The following C2orf80 variants were observed in gnomAD, a reference collection of about 807,000 sequenced individuals.
C2orf80 encodes uncharacterized protein C2orf80.
A neutral mutation model predicts 30.2 loss-of-function variants in C2orf80; 28 were observed. The observed-to-expected ratio is 0.93, with a 90% CI of 0.69 to 1.27. The LOEUF (loss-of-function observed/expected upper bound fraction) is 1.27. Ranked by LOEUF, C2orf80 falls within the 50% of genes most tolerant of loss-of-function variation. C2orf80 has a pLI of 0.00. For synonymous variants in C2orf80, 80 were observed against 76.4 expected (o/e 1.05, Z -0.24); for missense variants, 220 against 231.0 (o/e 0.95, Z 0.31).
At chr2:208,186,690 C>T (rs1696728472) in intron 2 of C2orf80, among the ~76,000 whole-genome samples, 1 of 152,174 alleles carries the variant, frequency 6.6e-6, no homozygotes, top group Admixed American at 6.5e-5. Context: ...CTCTCAGGCT[C>T]TAGAATGTGG....
At chr2:208,169,450 G>A (rs1023261012) in intron 8 of C2orf80, among the ~76,000 whole-genome samples, 35 of 151,978 alleles carry the variant, frequency 2.3e-4, no homozygotes, top group African/African-American at 7.7e-4. Context: ...TAATACCTTC[G>A]GCCGGGCACA....
intron 6 of C2orf80, among the ~76,000 whole-genome samples, chr2:208,179,700 A>AC (rs1428092655): frequency 1.2e-5 from 1 of 80,968 alleles, no homozygotes; most frequent in African/African-American, 3.5e-5. Flanking sequence ...TATTCAGAAC[A>AC]CCCTTTTTTT....
chr2:208,185,020 A>C lies in C2orf80; in HGVS notation c.54T>G (p.Ile18Met). ...ATTCATTTTCCCGAAGTCTGATGCC[A>C]ATATAATCTCCCCTTAAAAGCAAGA... ...KEMKKLLGDYIGIRLRENEFD... is the reference protein window; with the variant it reads ...KEMKKLLGDYMGIRLRENEFD... Residue 18 changes from isoleucine to methionine, a missense_variant, in exon 3 of 9, where the codon ATT becomes ATG. By Grantham distance (10) the Ile-to-Met change is conservative. Coordinates refer to ENST00000341287, the MANE Select transcript of C2orf80 (RefSeq NM_001099334.3). 1 of 1,613,564 alleles carries C rather than the reference A, an allele frequency of 6.2e-7. No homozygotes were observed. The highest frequency in any genetic ancestry group is 8.5e-7 in the Non-Finnish European group (1 of 1,179,590).
intron 5 of C2orf80, 123 bp from the exon 6 acceptor site, chr2:208,180,939 A>G: frequency 1.3e-6 from 1 of 748,286 alleles, no homozygotes; most frequent in South Asian, 2.0e-5. Flanking sequence ...AGTATTAAAT[A>G]CAGTAAATAA....
rs552234365 is a variant in C2orf80, at chr2:208,166,712, T to G, written c.574-897A>C. ...GTCACCCAGGCTGGAGTGCATGCAG[T>G]GGCGGGATCTCGGCTCACTGCAAGC... On this transcript the variant is annotated intron_variant, in intron 8 of 8. Coordinates refer to ENST00000341287, the MANE Select transcript of C2orf80 (RefSeq NM_001099334.3). 7.6e-4 allele frequency among the ~76,000 whole-genome samples: 115 copies of G among 152,154 alleles called. 2 individuals are homozygous for G. In the South Asian group the frequency reaches 0.024, roughly 31 times the overall value.
rs1559340631 is a variant in C2orf80 at position 208,176,970 on chromosome 2, C to CAG, written c.366+3774_366+3775insCT. Among the ~76,000 whole-genome samples, 557 of 91,864 alleles carry CAG rather than the reference C, an allele frequency of 6.1e-3. 59 individuals are homozygous for CAG. Among genetic ancestry groups the CAG allele is most frequent in the African/African-American group, 0.015 (415 of 27,140 alleles). The allele number at this position is 91,864 out of a possible 152,430, so 60.3% of individuals were successfully genotyped here. ...ATACATATCTGTATACATATGTATA[C>CAG]ATATATACAGAAATGTATATGTATA... On this transcript the variant is annotated intron_variant, in intron 6 of 8. Coordinates refer to ENST00000341287, the MANE Select transcript of C2orf80 (RefSeq NM_001099334.3).
chr2:208,182,983 CAAGTT>C lies in C2orf80; in HGVS notation c.183_187del (p.Thr62AlafsTer20). The C allele has an allele frequency of 1.2e-6, 2 of 1,613,884 alleles. No individual in the cohort carries two copies. Among genetic ancestry groups the C allele is most frequent in the Non-Finnish European group, 1.7e-6 (2 of 1,179,790 alleles). On this transcript the variant is annotated frameshift_variant, in exon 4 of 9. Transcript: ENST00000341287. LOFTEE classifies it high-confidence loss of function. Reference sequence around the variant, plus strand: ...AACTTACAGTTCCTCCCACTCCAGCCAAGTTAAGTCTTCTGAGGGATCCAGCCATT... The same window carrying C: ...AACTTACAGTTCCTCCCACTCCAGCCAAGTCTTCTGAGGGATCCAGCCATT...
chr2:208,184,896 C>T, intron 3 of C2orf80, 55 bp downstream of exon 3: 5 of 1,400,270 alleles, frequency 3.6e-6, no homozygotes, highest in Admixed American at 1.7e-5. Flanking sequence ...CTTTTTCTGT[C>T]TCTTTAATAC....
chr2:208,187,045 T>G lies in C2orf80; in HGVS notation c.-59A>C. On this transcript the variant is annotated 5_prime_UTR_variant, in exon 2 of 9. Coordinates refer to ENST00000341287, the MANE Select transcript of C2orf80 (RefSeq NM_001099334.3). ...AGCTAACACTACACTTAGACCCAGC[T>G]TCTCTGAGTCTAGAGGCTACAGCAG... The G allele has an allele frequency of 1.3e-6, 2 of 1,516,010 alleles. No individual in the cohort carries two copies. The highest frequency in any genetic ancestry group is 2.7e-5 in the African/African-American group (2 of 72,982). 93.9% of individuals were successfully genotyped at this position (1,516,010 alleles called of 1,614,324 possible).
Position 208,173,440 on chromosome 2 carries a change from C to T in C2orf80, c.367-1365G>A, listed in dbSNP as rs550869426. Among the ~76,000 whole-genome samples the T allele has an allele frequency of 5.2e-3, 796 of 152,054 alleles. 6 individuals are homozygous for T. Among genetic ancestry groups the T allele is most frequent in the Non-Finnish European group, 8.6e-3 (582 of 67,970 alleles). ...GAGATCGAAACTATCCTGGATAACA[C>T]TGTGAAAACCCGTGTCTACTAAAAA... On this transcript the variant is annotated intron_variant, in intron 6 of 8. Transcript: ENST00000341287.
At chr2:208,170,833 AT>A in intron 8 of C2orf80, 111 bp downstream of exon 8, 1 of 817,022 alleles carries the variant, frequency 1.2e-6, no homozygotes, top group South Asian at 1.6e-5. Context: ...TCGGCTCTAG[AT>A]TCAAACCCAG....
intron 3 of C2orf80, among the ~76,000 whole-genome samples, chr2:208,183,659 G>A (rs925731435): frequency 2.6e-5 from 4 of 152,080 alleles, no homozygotes; most frequent in African/African-American, 9.7e-5. Context: ...ATTGGAGCTG[G>A]GGCTTGTGGG....
intron 6 of C2orf80, among the ~76,000 whole-genome samples, chr2:208,177,441 T>C (rs1696395586): frequency 6.6e-6 from 1 of 152,072 alleles, no homozygotes; most frequent in Non-Finnish European, 1.5e-5. Context: ...CTCAGGAGGC[T>C]GAGGCAGGAG....
intron 6 of C2orf80, among the ~76,000 whole-genome samples, chr2:208,176,977 A>G (rs1559340678): frequency 1.5e-3 from 43 of 29,078 alleles, no homozygotes; most frequent in South Asian, 2.7e-3. Context: ...ATACATATAT[A>G]CAGAAATGTA....
chr2:208,189,073 T>G (rs1378122418), intron 1 of C2orf80, among the ~76,000 whole-genome samples: 6 of 152,222 alleles, frequency 3.9e-5, no homozygotes, highest in Non-Finnish European at 8.8e-5. Context: ...CTTCTTACCC[T>G]AACATTCTGT....
chr2:208,175,485 C>T (rs558621413), intron 6 of C2orf80, among the ~76,000 whole-genome samples: 119 of 152,272 alleles, frequency 7.8e-4, no homozygotes, highest in African/African-American at 2.7e-3. Flanking sequence ...TGAGCAATCC[C>T]GCGCCTATGA....
At chr2:208,186,796 G>T (rs545002644) in intron 2 of C2orf80, 150 bp downstream of exon 2, 1 of 708,372 alleles carries the variant, frequency 1.4e-6, no homozygotes. Flanking sequence ...GCAGGAAACC[G>T]AGAGAGGCCA....
intron 6 of C2orf80, among the ~76,000 whole-genome samples, chr2:208,175,332 G>T (rs1022109180): frequency 1.2e-4 from 18 of 151,926 alleles, no homozygotes; most frequent in African/African-American, 3.9e-4. Context: ...ATTTATCCGG[G>T]GCTAGTTGTC....
intron 3 of C2orf80, 56 bp from the exon 4 acceptor site, chr2:208,183,103 C>T (rs926476742): frequency 4.0e-5 from 55 of 1,385,306 alleles, no homozygotes; most frequent in Non-Finnish European, 5.1e-5. Flanking sequence ...GGCCGAAGTA[C>T]TCCCTGGACC....
Sources: gnomAD v4.1 joint callset for allele counts (sites outside exome capture counted in the v4.1 genomes callset) on GRCh38, gnomAD v4.1.1 for gene constraint, MANE v1.5 for transcripts, NCBI Gene and HGNC (gene_info 2026-07-23, HGNC 2026-07-21) for gene names.